Variants in MFAP3L observed in about 807,000 individuals in gnomAD.
MFAP3L encodes microfibril associated protein 3 like, also known as microfibrillar-associated protein 3-like.
A neutral mutation model predicts 20.0 loss-of-function variants in MFAP3L; 5 were observed. The observed-to-expected ratio is 0.25, with a 90% CI of 0.13 to 0.53. MFAP3L has a LOEUF of 0.53. MFAP3L is among the 20% of genes least tolerant of loss of function. MFAP3L has a pLI of 0.96. For synonymous variants in MFAP3L, 219 were observed against 213.0 expected (o/e 1.03, Z -0.25); for missense variants, 409 against 527.5 (o/e 0.78, Z 2.20).
At position 169,991,767 on chromosome 4, in the gene MFAP3L, C is replaced by T. The variant is rs376999753; in HGVS notation, c.841G>A (p.Ala281Thr). The T allele has an allele frequency of 6.9e-5, 112 of 1,613,950 alleles. No homozygotes were observed. The highest frequency in any genetic ancestry group is 8.5e-5 in the Non-Finnish European group (100 of 1,180,014). The change falls in exon 3 of 3, where the codon GCA (alanine) becomes ACA (threonine). Residue 281 changes from alanine to threonine, a missense_variant. This residue lies in a region of MFAP3L where 169 missense variants were observed against 178.2 expected (regional missense o/e 0.95). Transcript: ENST00000361618. This position sits in a 1 kb window ranked among gnomAD's most constrained non-coding sequence, Gnocchi z 4.9. ...ATTGTGTAGACCTCATCCCTGTCTG[C>T]GGCCTCCTGGCCCTCTGGAGTATGC... Reference protein sequence around the residue: ...VRHTPEGQEAADRDEVYTIPN... With the variant: ...VRHTPEGQEATDRDEVYTIPN...
intron 1 of MFAP3L, chr4:170,006,832 T>C (rs1370076390): frequency 6.6e-6 from 1 of 152,272 alleles, no homozygotes; most frequent in Admixed American, 6.5e-5. Flanking sequence ...CTCATTCAAC[T>C]TCCCATGCTC....
intron 1 of MFAP3L, among the ~76,000 whole-genome samples, chr4:170,006,414 A>C (rs1468784843): frequency 6.6e-6 from 1 of 152,162 alleles, no homozygotes; most frequent in African/African-American, 2.4e-5. Flanking sequence ...CACCCGGCCA[A>C]ACCTACATAC....
chr4:169,998,072 G>C (rs906055838), intron 2 of MFAP3L, among the ~76,000 whole-genome samples: 2 of 152,212 alleles, frequency 1.3e-5, no homozygotes, highest in African/African-American at 4.8e-5. Context: ...CAGGGACATA[G>C]TTCAGAGCTT....
rs1006981471 is a variant in MFAP3L at position 169,990,356 on chromosome 4, G to A, written c.*1022C>T. On this transcript the variant is annotated 3_prime_UTR_variant, in exon 3 of 3. Transcript: ENST00000361618. ...CTATGCAGTTCATAAAAGTGGACCT[G>A]GTTATATGTCATCCAACAGCATATG... 1 of 152,286 alleles carries A rather than the reference G, an allele frequency of 6.6e-6. No homozygotes were observed. The highest frequency in any genetic ancestry group is 1.5e-5 in the Non-Finnish European group (1 of 68,040). The allele number at this position is 152,286 out of a possible 1,614,324, so 9.4% of individuals were successfully genotyped here. A position where few individuals can be genotyped will look rare whatever the true frequency, so the allele number is the denominator to read the frequency against.
At chr4:170,003,730 T>C in intron 2 of MFAP3L, 2 of 985,444 alleles carry the variant, frequency 2.0e-6, no homozygotes, top group African/African-American at 3.5e-5. Flanking sequence ...TTCCCTTTGA[T>C]TCAGTCACCG....
Position 170,025,766 on chromosome 4 carries a change from G to A in MFAP3L, c.-134+468C>T, listed in dbSNP as rs537156117. 1.2e-3 allele frequency among the ~76,000 whole-genome samples: 175 copies of A among 152,140 alleles called. 1 individual carries two copies. Among genetic ancestry groups the A allele is most frequent in the African/African-American group, 4.0e-3 (166 of 41,488 alleles). On this transcript the variant is annotated intron_variant, in intron 1 of 2. Coordinates refer to ENST00000361618, the MANE Select transcript of MFAP3L (RefSeq NM_021647.8). ...CGCACTCCTGCGGCATCAGGACACG[G>A]CGCCCTCCCGACGCGGAACCCGCAT...
At chr4:170,027,049 T>A (rs1730493796), upstream of MFAP3L, 1 of 149,940 alleles carries the variant, frequency 6.7e-6, no homozygotes, top group Non-Finnish European at 1.5e-5. Flanking sequence ...GTTCCAGGAA[T>A]TTTTTTTTCA....
At position 169,991,741 on chromosome 4, in the gene MFAP3L, G is replaced by T. The variant is rs765283300; in HGVS notation, c.867C>A (p.Ile289=). ...AGTCGCTCCGCTTCAGAGAGTTGGG[G>T]ATTGTGTAGACCTCATCCCTGTCTG... ...EAADRDEVYT[I]PNSLKRSDSP... The change falls in exon 3 of 3, where the codon ATC becomes ATA. Residue 289 remains isoleucine (I), a synonymous_variant. Coordinates refer to ENST00000361618, the MANE Select transcript of MFAP3L (RefSeq NM_021647.8). This position sits in a 1 kb window ranked among gnomAD's most constrained non-coding sequence, Gnocchi z 4.9. 1.2e-6 allele frequency: 2 copies of T among 1,613,954 alleles called. No homozygotes were observed. Among genetic ancestry groups the T allele is most frequent in the Non-Finnish European group, 1.7e-6 (2 of 1,180,022 alleles).
chr4:169,987,310 G>T lies in MFAP3L; in HGVS notation c.*4068C>A, dbSNP rs1737345242. ...TGTGAAAATACAATGAGATTTGGTA[G>T]ATATTTTAAGAGTATGAATAACTTG... On this transcript the variant is annotated 3_prime_UTR_variant, in exon 3 of 3. Coordinates refer to ENST00000361618, the MANE Select transcript of MFAP3L (RefSeq NM_021647.8). 6.6e-6 allele frequency: 1 copy of T among 152,152 alleles called. No homozygotes were observed. The highest frequency in any genetic ancestry group is 1.5e-5 in the Non-Finnish European group (1 of 68,026). 9.4% of individuals were successfully genotyped at this position (152,152 alleles called of 1,614,324 possible).
intron 2 of MFAP3L, among the ~76,000 whole-genome samples, chr4:170,001,307 AG>A (rs1738599009): frequency 6.6e-6 from 1 of 152,224 alleles, no homozygotes; most frequent in Non-Finnish European, 1.5e-5. Context: ...AATAAAGCAA[AG>A]TAAACTAGAG....
chr4:170,003,820 A>G, intron 2 of MFAP3L: 1 of 985,426 alleles, frequency 1.0e-6, no homozygotes, highest in African/African-American at 1.7e-5. Flanking sequence ...TACCATGGCT[A>G]TTGCCCTCCA....
In MFAP3L at chr4:170,005,950, T is replaced by C; in HGVS notation, c.-73A>G. ...AATCTTCTATCAGACAACACACTGT[T>C]CACAGCAGGTCATGGGACAAACCTG... On this transcript the variant is annotated 5_prime_UTR_variant, in exon 2 of 3. An upstream open reading frame in the 5' UTR loses its in-frame stop. Coordinates refer to ENST00000361618, the MANE Select transcript of MFAP3L (RefSeq NM_021647.8). 2 of 1,528,424 alleles carry C rather than the reference T, an allele frequency of 1.3e-6. No homozygotes were observed. Among genetic ancestry groups the C allele is most frequent in the Non-Finnish European group, 1.8e-6 (2 of 1,135,580 alleles). The allele number at this position is 1,528,424 out of a possible 1,614,324, so 94.7% of individuals were successfully genotyped here. A position where few individuals can be genotyped will look rare whatever the true frequency, so the allele number is the denominator to read the frequency against.
At chr4:170,006,226 C>T (rs962132136) in intron 1 of MFAP3L, among the ~76,000 whole-genome samples, 24 of 151,902 alleles carry the variant, frequency 1.6e-4, no homozygotes, top group African/African-American at 5.8e-4. Context: ...GATTCTCCTG[C>T]CTCAGCCTAC....
In MFAP3L at chr4:169,991,831, C is replaced by T; in HGVS notation, c.777G>A (p.Glu259=). 6.2e-7 allele frequency: 1 copy of T among 1,614,192 alleles called. No homozygotes were observed. Among genetic ancestry groups the T allele is most frequent in the Non-Finnish European group, 8.5e-7 (1 of 1,180,038 alleles). ...GCCCCTGCTCCTCCAGCCCAACCACCTCCATAATCTCCTCCATGATAGTCC... is the reference window on the plus strand; with the variant it reads ...GCCCCTGCTCCTCCAGCCCAACCACTTCCATAATCTCCTCCATGATAGTCC... ...NCRTIMEEIM[E]VVGLEEQGQN... The change falls in exon 3 of 3, where the codon GAG becomes GAA. Residue 259 remains glutamate, a synonymous_variant. Transcript: ENST00000361618. The surrounding 1 kb of genome is among the most constrained non-coding windows in gnomAD (Gnocchi z 4.9).
intron 1 of MFAP3L, among the ~76,000 whole-genome samples, chr4:170,015,880 C>A (rs1739669310): frequency 6.6e-6 from 1 of 152,090 alleles, no homozygotes; most frequent in Admixed American, 6.5e-5. Flanking sequence ...CTCTTCAGAC[C>A]AAGAACTGCT....
chr4:169,999,530 T>C (rs552994256), intron 2 of MFAP3L, among the ~76,000 whole-genome samples: 1 of 152,328 alleles, frequency 6.6e-6, no homozygotes, highest in Non-Finnish European at 1.5e-5. Context: ...TAGTCTTTTC[T>C]AGAGAGTAGC....
rs140303539 is a variant in MFAP3L at position 170,010,064 on chromosome 4, A to G, written c.-133-4054T>C. Among the ~76,000 whole-genome samples the G allele has an allele frequency of 1.9e-3, 287 of 152,296 alleles. 3 individuals are homozygous for G. The highest frequency in any genetic ancestry group is 0.015 in the Admixed American group (235 of 15,296). On this transcript the variant is annotated intron_variant, in intron 1 of 2. Transcript: ENST00000361618. ...TAAGCTACCTTCTGGATGAAAACAC[A>G]TTCTTCACAGGGTTATACTCATGAA...
At chr4:170,024,426 T>C (rs779945797) in intron 1 of MFAP3L, among the ~76,000 whole-genome samples, 2 of 152,330 alleles carry the variant, frequency 1.3e-5, no homozygotes, top group Middle Eastern at 3.4e-3. Flanking sequence ...TAGCTACTTC[T>C]ACTGGGGAAT....
At position 169,995,978 on chromosome 4, in the gene MFAP3L, C is replaced by G. The variant is rs370767020; in HGVS notation, c.299-3669G>C. Among the ~76,000 whole-genome samples, 589 of 152,206 alleles carry G rather than the reference C, an allele frequency of 3.9e-3. 4 individuals carry two copies. Among genetic ancestry groups the G allele is most frequent in the African/African-American group, 0.014 (570 of 41,518 alleles). Reference sequence around the variant, plus strand: ...TGCACTTGGGCTCAGTTACACACTTCCTGTCCCTTGAGCAGACTGTAGCCC... The same window carrying G: ...TGCACTTGGGCTCAGTTACACACTTGCTGTCCCTTGAGCAGACTGTAGCCC... On this transcript the variant is annotated intron_variant, in intron 2 of 2. Coordinates refer to ENST00000361618, the MANE Select transcript of MFAP3L (RefSeq NM_021647.8).
Sources: gnomAD v4.1 joint callset for allele counts (sites outside exome capture counted in the v4.1 genomes callset) on GRCh38, gnomAD v4.1.1 for gene constraint, gnomAD v4.1.1 regional missense constraint, Gnocchi (gnomAD v3.1) non-coding constraint, MANE v1.5 for transcripts, NCBI Gene and HGNC (gene_info 2026-07-23, HGNC 2026-07-21) for gene names.